Variants in SLIT1 observed in about 807,000 individuals in gnomAD.
The protein encoded by SLIT1 is slit guidance ligand 1, also known as slit homolog 1 protein.
A neutral mutation model predicts 186.1 loss-of-function variants in SLIT1; 66 were observed. That is an observed-to-expected ratio of 0.35 (90% confidence interval 0.29 to 0.44). SLIT1 has a LOEUF of 0.44. Ranked by LOEUF, SLIT1 falls within the 20% of genes least tolerant of loss-of-function variation. SLIT1 has a pLI of 1.00. For synonymous variants in SLIT1, 761 were observed against 833.8 expected (o/e 0.91, Z 1.50); for missense variants, 1,638 against 2,037.4 (o/e 0.80, Z 3.77).
In SLIT1 at chr10:97,046,783, T is replaced by C; in HGVS notation, c.1724A>G (p.Asn575Ser). Residue 575 changes from asparagine to serine, a missense_variant, in exon 18 of 37, where the codon AAC becomes AGC. Asn to Ser is a conservative substitution (Grantham distance 46). Transcript: ENST00000266058. ...THLKKINLSN[N>S]KVSEIEDGAF... Reference sequence around the variant, plus strand: ...CCCATCTTCAATTTCTGACACCTTGTTGTTGCTCAGATTGCTGGGAGAAGA... The same window carrying C: ...CCCATCTTCAATTTCTGACACCTTGCTGTTGCTCAGATTGCTGGGAGAAGA... 1 of 1,612,358 alleles carries C rather than the reference T, an allele frequency of 6.2e-7. No homozygotes were observed. Among genetic ancestry groups the C allele is most frequent in the Non-Finnish European group, 8.5e-7 (1 of 1,180,016 alleles).
chr10:97,074,048 C>G (rs887849519), intron 4 of SLIT1, among the ~76,000 whole-genome samples: 2 of 152,132 alleles, frequency 1.3e-5, no homozygotes, highest in Non-Finnish European at 2.9e-5. Context: ...GTCAGCTGCT[C>G]TATCTGCAAC....
intron 4 of SLIT1, among the ~76,000 whole-genome samples, chr10:97,130,012 G>A (rs1160164962): frequency 2.0e-5 from 3 of 152,200 alleles, no homozygotes; most frequent in Non-Finnish European, 4.4e-5. Flanking sequence ...AAAGAGAAGA[G>A]GGAAAACAGA....
At chr10:97,128,462 G>A (rs1849623793) in intron 4 of SLIT1, among the ~76,000 whole-genome samples, 1 of 152,220 alleles carries the variant, frequency 6.6e-6, no homozygotes, top group African/African-American at 2.4e-5. Context: ...ACGTCCACCA[G>A]GAGACACCCC....
At chr10:97,128,580 C>T (rs1849624989) in intron 4 of SLIT1, among the ~76,000 whole-genome samples, 1 of 152,236 alleles carries the variant, frequency 6.6e-6, no homozygotes, top group African/African-American at 2.4e-5. Context: ...TGCCCACAAC[C>T]TGCATTGTGT....
chr10:97,163,004 G>A (rs1193994260), intron 3 of SLIT1, among the ~76,000 whole-genome samples: 1 of 152,222 alleles, frequency 6.6e-6, no homozygotes, highest in Non-Finnish European at 1.5e-5. Context: ...TCCCTGACAG[G>A]TTCCGTTGGC....
At position 97,006,699 on chromosome 10, in the gene SLIT1, A is replaced by G. The variant is rs1473428914; in HGVS notation, c.3363T>C (p.Pro1121=). 1.2e-6 allele frequency: 2 copies of G among 1,613,758 alleles called. No homozygotes were observed. The highest frequency in any genetic ancestry group is 2.7e-5 in the African/African-American group (2 of 74,946). Residue 1121 remains proline, a synonymous_variant, in exon 32 of 37, where the codon CCT becomes CCC. Coordinates refer to ENST00000266058, the MANE Select transcript of SLIT1 (RefSeq NM_003061.3). This position sits in a 1 kb window ranked among gnomAD's most constrained non-coding sequence, Gnocchi z 4.0. ...GGCTCTTGGGGGCAGGCAGATGGGG[A>G]GGGATCTCACAGAGCTGTCCACTGA... ...EGYSGQLCEI[P]PHLPAPKSPC...
At chr10:97,179,691 T>C (rs1162068230) in intron 1 of SLIT1, among the ~76,000 whole-genome samples, 1 of 152,186 alleles carries the variant, frequency 6.6e-6, no homozygotes, top group African/African-American at 2.4e-5. Flanking sequence ...AACGACGCTA[T>C]GCACCCTGCA....
intron 21 of SLIT1, 43 bp from the exon 22 acceptor site, chr10:97,037,809 T>A: frequency 4.0e-6 from 6 of 1,516,444 alleles, no homozygotes; most frequent in Non-Finnish European, 5.5e-6. Context: ...TCTCCACCTC[T>A]GGTGGTGCCC....
Position 97,000,954 on chromosome 10 carries a change from T to C in SLIT1, c.*158A>G. ...CCCCAGCTATGGCGCAATTTGCTTT[T>C]AAAAGGCTGCTCTGGCACCACCCCA... On this transcript the variant is annotated 3_prime_UTR_variant, in exon 37 of 37. Transcript: ENST00000266058. 1 of 626,760 alleles carries C rather than the reference T, an allele frequency of 1.6e-6. No individual in the cohort carries two copies. Among genetic ancestry groups the C allele is most frequent in the South Asian group, 2.0e-5 (1 of 50,292 alleles). The allele number at this position is 626,760 out of a possible 1,614,324, so 38.8% of individuals were successfully genotyped here. A position where few individuals can be genotyped will look rare whatever the true frequency, so the allele number is the denominator to read the frequency against.
rs1011864206 is a variant in SLIT1 at position 97,004,458 on chromosome 10, C to T, written c.3710+235G>A. Among the ~76,000 whole-genome samples, 3 of 152,170 alleles carry T rather than the reference C, an allele frequency of 2.0e-5. No homozygotes were observed. Among genetic ancestry groups the T allele is most frequent in the East Asian group, 3.9e-4 (2 of 5,190 alleles). The stretch of plus-strand genomic sequence containing the variant: ...TCTCAAACTTACAAGTCTCCCCCTC[C>T]CCATTAAGGAGCCTCCTCTAAGGTG... On this transcript the variant is annotated intron_variant, in intron 33 of 36. Coordinates refer to ENST00000266058, the MANE Select transcript of SLIT1 (RefSeq NM_003061.3). The surrounding 1 kb of genome is among the most constrained non-coding windows in gnomAD (Gnocchi z 5.1).
chr10:97,059,554 G>A, intron 10 of SLIT1, 23 bp from the exon 11 acceptor site: 2 of 1,605,474 alleles, frequency 1.2e-6, no homozygotes, highest in Non-Finnish European at 1.7e-6. Flanking sequence ...CAGAAGGAGA[G>A]GGGGCATCTG....
intron 4 of SLIT1, among the ~76,000 whole-genome samples, chr10:97,125,670 C>A (rs1291513494): frequency 2.6e-5 from 4 of 151,828 alleles, no homozygotes; most frequent in African/African-American, 4.8e-5. Flanking sequence ...GAAACCCTGT[C>A]TCTACTGAAA....
chr10:97,089,509 A>C (rs1450286290), intron 4 of SLIT1, among the ~76,000 whole-genome samples: 1 of 152,206 alleles, frequency 6.6e-6, no homozygotes, highest in Non-Finnish European at 1.5e-5. Flanking sequence ...TGGAGGTGTC[A>C]GACTCTGAAG....
intron 4 of SLIT1, among the ~76,000 whole-genome samples, chr10:97,084,298 G>C (rs1269450458): frequency 6.6e-6 from 1 of 152,200 alleles, no homozygotes; most frequent in African/African-American, 2.4e-5. Flanking sequence ...GGTTGGTGCT[G>C]CCAGGCACCC....
chr10:97,010,769 C>G lies in SLIT1; in HGVS notation c.3341+224G>C, dbSNP rs976167368. 3.3e-5 allele frequency among the ~76,000 whole-genome samples: 5 copies of G among 152,152 alleles called. No homozygotes were observed. The highest frequency in any genetic ancestry group is 1.2e-4 in the African/African-American group (5 of 41,422). Reference sequence around the variant, plus strand: ...TGTCATCTGCACCCACCTCTCATGCCCTCCACCAAACAGGTTAGGGGTCCT... The same window carrying G: ...TGTCATCTGCACCCACCTCTCATGCGCTCCACCAAACAGGTTAGGGGTCCT... On this transcript the variant is annotated intron_variant, in intron 31 of 36. Transcript: ENST00000266058. This position sits in a 1 kb window ranked among gnomAD's most constrained non-coding sequence, Gnocchi z 4.8.
Position 97,043,540 on chromosome 10 carries a change from G to C in SLIT1, c.1854-27C>G. ...TGGGGAGGAACGGGGGAGGGAGGAG[G>C]GGACCCTTGCTGCCCTGCCAGCCAT... is the stretch of plus-strand genomic sequence containing the variant. On this transcript the variant is annotated intron_variant, in intron 18 of 36. Coordinates refer to ENST00000266058, the MANE Select transcript of SLIT1 (RefSeq NM_003061.3). The surrounding 1 kb of genome is among the most constrained non-coding windows in gnomAD (Gnocchi z 7.0). 1 of 1,604,530 alleles carries C rather than the reference G, an allele frequency of 6.2e-7. No individual in the cohort carries two copies. The highest frequency in any genetic ancestry group is 1.1e-5 in the South Asian group (1 of 90,112).
chr10:97,080,436 C>T (rs528683927), intron 4 of SLIT1, among the ~76,000 whole-genome samples: 1 of 152,350 alleles, frequency 6.6e-6, no homozygotes, highest in South Asian at 2.1e-4. Context: ...AGCTAAGTCA[C>T]AGGTCAGCTA....
chr10:97,170,972 C>T (rs1355316834), intron 1 of SLIT1, among the ~76,000 whole-genome samples: 1 of 152,168 alleles, frequency 6.6e-6, no homozygotes, highest in East Asian at 1.9e-4. Context: ...CCAGCCACTC[C>T]TGTTCCCTCA....
chr10:97,012,030 CT>C (rs1848415181), intron 30 of SLIT1, among the ~76,000 whole-genome samples: 1 of 148,844 alleles, frequency 6.7e-6, no homozygotes, highest in Admixed American at 6.7e-5. Context: ...TACTCATTTC[CT>C]TGTCCAGTGT....
Sources: gnomAD v4.1 joint callset for allele counts (sites outside exome capture counted in the v4.1 genomes callset) on GRCh38, gnomAD v4.1.1 for gene constraint, Gnocchi (gnomAD v3.1) non-coding constraint, MANE v1.5 for transcripts, NCBI Gene and HGNC (gene_info 2026-07-23, HGNC 2026-07-21) for gene names.